The following OPCML variants were observed in gnomAD, a reference collection of about 807,000 sequenced individuals.
The protein encoded by OPCML is opioid binding protein/cell adhesion molecule like, also known as opioid-binding protein/cell adhesion molecule.
Under a neutral mutation model 37.8 loss-of-function variants are expected in OPCML, and 13 were observed. The ratio of observed to expected loss-of-function variants is 0.34; its 90% CI spans 0.22 to 0.55. OPCML has a LOEUF of 0.55. Ranked by LOEUF, OPCML falls within the 20% of genes least tolerant of loss-of-function variation. The probability of loss-of-function intolerance (pLI) is 0.91; values close to 1 mark genes in which losing one functional copy is unlikely to be tolerated. For synonymous variants in OPCML, 176 were observed against 168.8 expected (o/e 1.04, Z -0.33); for missense variants, 341 against 435.6 (o/e 0.78, Z 1.93).
At chr11:133,333,767 C>A (rs1022543056) in intron 1 of OPCML, among the ~76,000 whole-genome samples, 1 of 152,090 alleles carries the variant, frequency 6.6e-6, no homozygotes, top group Admixed American at 6.5e-5. Context: ...TATCCAGCAT[C>A]TATAAGGAAC....
chr11:132,940,696 A>C (rs1945548011), intron 2 of OPCML, among the ~76,000 whole-genome samples: 1 of 152,252 alleles, frequency 6.6e-6, no homozygotes, highest in Admixed American at 6.5e-5. Context: ...AGATGGGGAC[A>C]CACAGAAATT....
At chr11:132,841,472 T>G (rs564465303) in intron 2 of OPCML, among the ~76,000 whole-genome samples, 104 of 152,276 alleles carry the variant, frequency 6.8e-4, no homozygotes, top group South Asian at 2.9e-3. Context: ...TCTTTGTAAC[T>G]GTCAATCAAA....
chr11:133,039,695 G>C (rs1249728123), intron 1 of OPCML, among the ~76,000 whole-genome samples: 2 of 152,090 alleles, frequency 1.3e-5, no homozygotes, highest in African/African-American at 4.8e-5. Flanking sequence ...ATGGGTGGGT[G>C]TATCTGTGTG....
chr11:133,076,779 A>C (rs1852049668), intron 1 of OPCML, among the ~76,000 whole-genome samples: 1 of 152,146 alleles, frequency 6.6e-6, no homozygotes, highest in Non-Finnish European at 1.5e-5. Flanking sequence ...GCTGGTCAGC[A>C]GGCTGGTGAT....
intron 1 of OPCML, among the ~76,000 whole-genome samples, chr11:133,364,813 T>G (rs1944503070): frequency 6.6e-6 from 1 of 152,136 alleles, no homozygotes; most frequent in East Asian, 1.9e-4. Context: ...GATTGGACCC[T>G]CTGACAGGTG....
intron 3 of OPCML, among the ~76,000 whole-genome samples, chr11:132,645,946 A>G (rs1020285841): frequency 6.6e-6 from 1 of 152,266 alleles, no homozygotes; most frequent in Non-Finnish European, 1.5e-5. Flanking sequence ...AGGGAGAAGA[A>G]CATTAAAGGC....
Position 133,211,120 on chromosome 11 carries a change from C to A in OPCML, c.62-268110G>T, listed in dbSNP as rs577798825. Among the ~76,000 whole-genome samples, 223 of 152,306 alleles carry A rather than the reference C, an allele frequency of 1.5e-3. 1 individual carries two copies. The highest frequency in any genetic ancestry group is 5.2e-3 in the African/African-American group (218 of 41,544). ...GGCTTGCCCACTGCAACTCAGCTTT[C>A]TAATCATTCGTGATTGATGAGCCTG... On this transcript the variant is annotated intron_variant, in intron 1 of 7. Transcript: ENST00000524381. The surrounding 1 kb of genome is among the most constrained non-coding windows in gnomAD (Gnocchi z 4.1).
intron 1 of OPCML, among the ~76,000 whole-genome samples, chr11:133,230,434 C>T (rs567566628): frequency 6.6e-6 from 1 of 152,188 alleles, no homozygotes; most frequent in African/African-American, 2.4e-5. Flanking sequence ...TTCTGCCTCC[C>T]CTTTCTCAAC....
In OPCML at chr11:133,504,605, G is replaced by A. The variant is rs991949747; in HGVS notation, c.61+27659C>T. On this transcript the variant is annotated intron_variant, in intron 1 of 7. Coordinates refer to ENST00000524381, the MANE Select transcript of OPCML (RefSeq NM_001012393.5). ...GCACCTACTGGACAGAGCCAGCCACGGGAGCCCCCAGCTTTGTTGCGGCGA... is the reference window on the plus strand; with the variant it reads ...GCACCTACTGGACAGAGCCAGCCACAGGAGCCCCCAGCTTTGTTGCGGCGA... Among the ~76,000 whole-genome samples the A allele has an allele frequency of 5.3e-5, 8 of 152,282 alleles. No individual in the cohort carries two copies. The East Asian group carries it at 9.7e-4, about 18-fold the overall frequency.
At position 133,054,643 on chromosome 11, in the gene OPCML, G is replaced by A. The variant is rs117787442; in HGVS notation, c.62-111633C>T. 1.4e-4 allele frequency among the ~76,000 whole-genome samples: 22 copies of A among 152,312 alleles called. No individual in the cohort carries two copies. The East Asian group carries it at 3.7e-3, about 25-fold the overall frequency. On this transcript the variant is annotated intron_variant, in intron 1 of 7. Coordinates refer to ENST00000524381, the MANE Select transcript of OPCML (RefSeq NM_001012393.5). ...AAAATCAACAGGCAAAGATGATTTC[G>A]ATTTAACCATCAGAAATGGGGACAC...
At chr11:132,938,902 C>T (rs762486793) in intron 2 of OPCML, among the ~76,000 whole-genome samples, 3 of 152,146 alleles carry the variant, frequency 2.0e-5, no homozygotes, top group South Asian at 4.1e-4. Context: ...TCAATGGCCA[C>T]GTCCATCCCC....
chr11:133,051,769 C>G (rs1277850087), intron 1 of OPCML, among the ~76,000 whole-genome samples: 1 of 152,192 alleles, frequency 6.6e-6, no homozygotes, highest in African/African-American at 2.4e-5. Context: ...TGACACCGCA[C>G]AGAAGACAAC....
intron 2 of OPCML, among the ~76,000 whole-genome samples, chr11:132,712,922 T>C (rs1433229104): frequency 3.3e-5 from 5 of 152,228 alleles, no homozygotes; most frequent in African/African-American, 9.6e-5. Flanking sequence ...TCGCTCTTCA[T>C]CACTGGAGCA....
chr11:132,605,146 C>G (rs1938195775), intron 3 of OPCML, among the ~76,000 whole-genome samples: 1 of 152,168 alleles, frequency 6.6e-6, no homozygotes, highest in African/African-American at 2.4e-5. Flanking sequence ...CTCTAGAAAA[C>G]AAATGCAATA....
chr11:132,850,516 G>GGAGTGTGTGTGTGTGTGTGTGT (rs796790289), intron 2 of OPCML, among the ~76,000 whole-genome samples: 3 of 148,028 alleles, frequency 2.0e-5, no homozygotes, highest in African/African-American at 7.5e-5. Context: ...CTGTGGAAAG[G>GGAGTGTGTGTGTGTGTGTGTGT]GTGTGTGTGT....
chr11:133,056,143 C>T (rs1208259376), intron 1 of OPCML, among the ~76,000 whole-genome samples: 1 of 152,200 alleles, frequency 6.6e-6, no homozygotes, highest in African/African-American at 2.4e-5. Context: ...GCAAAACAAA[C>T]TGGGAGATGG....
intron 4 of OPCML, among the ~76,000 whole-genome samples, chr11:132,483,863 T>C (rs1433869961): frequency 6.6e-6 from 1 of 151,730 alleles, no homozygotes; most frequent in African/African-American, 2.4e-5. Context: ...TGGCTAGCCA[T>C]ATGTAGAAAG....
intron 3 of OPCML, among the ~76,000 whole-genome samples, chr11:132,639,382 G>A (rs763173444): frequency 1.7e-4 from 26 of 152,190 alleles, no homozygotes; most frequent in Non-Finnish European, 3.7e-4. Context: ...TGACACTTGG[G>A]GACATGTGAG....
chr11:133,332,578 T>C (rs1177687519), intron 1 of OPCML, among the ~76,000 whole-genome samples: 1 of 152,188 alleles, frequency 6.6e-6, no homozygotes, highest in East Asian at 1.9e-4. Flanking sequence ...TGGCTGTGGG[T>C]ATGTCATAGA....
Sources: gnomAD v4.1 joint callset for allele counts (sites outside exome capture counted in the v4.1 genomes callset) on GRCh38, gnomAD v4.1.1 for gene constraint, Gnocchi (gnomAD v3.1) non-coding constraint, MANE v1.5 for transcripts, NCBI Gene and HGNC (gene_info 2026-07-23, HGNC 2026-07-21) for gene names.